Variants in WDR46 observed in about 807,000 individuals in gnomAD.
WDR46 encodes WD repeat-containing protein 46.
A neutral mutation model predicts 74.7 loss-of-function variants in WDR46; 58 were observed. That is an observed-to-expected ratio of 0.78 (90% confidence interval 0.63 to 0.97). WDR46 has a LOEUF of 0.97. Among genes scored for constraint, WDR46 ranks in the 50% least tolerant of loss-of-function variants. WDR46 has a pLI of 0.00. For missense variants in WDR46, 702 were observed against 790.1 expected, an observed-to-expected ratio of 0.89 and a Z score of 1.34; for synonymous variants, 278 against 297.3, an observed-to-expected ratio of 0.93 and a Z score of 0.67.
chr6:33,281,068 C>A, intron 10 of WDR46, 81 bp from the exon 11 acceptor site: 2 of 1,443,738 alleles, frequency 1.4e-6, no homozygotes, highest in Non-Finnish European at 1.9e-6. Flanking sequence ...GGCATCAAGT[C>A]TGGCTGGGGA....
intron 12 of WDR46, 32 bp downstream of exon 12, chr6:33,280,396 G>A (rs901450914): frequency 6.5e-7 from 1 of 1,548,230 alleles, no homozygotes; most frequent in Admixed American, 2.0e-5. Flanking sequence ...GCAATGGGGG[G>A]GATCTCACCC....
In WDR46 at chr6:33,280,976, G is replaced by A. The variant is rs1051862080; in HGVS notation, c.1127C>T (p.Thr376Ile). The A allele has an allele frequency of 1.2e-6, 2 of 1,607,206 alleles. No homozygotes were observed. Among genetic ancestry groups the A allele is most frequent in the African/African-American group, 1.3e-5 (1 of 74,890 alleles). The change falls in exon 11 of 15, where the codon ACC becomes ATC. Residue 376 changes from threonine to isoleucine, a missense_variant. Transcript: ENST00000374617. ...CTTCAGCTGGTGGTCTAGGCCAGAGGTGGCCATGTACCTGGTGAGAGAAGA... is the reference window on the plus strand; with the variant it reads ...CTTCAGCTGGTGGTCTAGGCCAGAGATGGCCATGTACCTGGTGAGAGAAGA... ...AVDSTGTYMA[T>I]SGLDHQLKIF...
rs1037387500 is a variant in WDR46, at chr6:33,280,987, C to G, written c.1116G>C (p.Thr372=). ...VRAVAVDSTG[T]YMATSGLDHQ... is the part of the protein sequence containing the mutation. ...GGTCTAGGCCAGAGGTGGCCATGTA[C>G]CTGGTGAGAGAAGAGGGATCAATTA... Residue 372 remains threonine, a splice_region_variant and synonymous_variant, in exon 11 of 15, where the codon ACG becomes ACC. Coordinates refer to ENST00000374617, the MANE Select transcript of WDR46 (RefSeq NM_005452.6). 5.0e-6 allele frequency: 8 copies of G among 1,598,312 alleles called. No homozygotes were observed. The highest frequency in any genetic ancestry group is 6.8e-6 in the Non-Finnish European group (8 of 1,170,568).
intron 10 of WDR46, among the ~76,000 whole-genome samples, chr6:33,282,509 G>A (rs1319259530): frequency 6.6e-6 from 1 of 152,188 alleles, no homozygotes; most frequent in Non-Finnish European, 1.5e-5. Context: ...GGAGTCTACT[G>A]TACTACTAGT....
At position 33,286,840 on chromosome 6, in the gene WDR46, C is replaced by T. The variant is rs928753704; in HGVS notation, c.1070G>A (p.Cys357Tyr). The change falls in exon 10 of 15, where the codon TGT (cysteine) becomes TAT (tyrosine). Residue 357 changes from cysteine to tyrosine, a missense_variant. Physicochemically the swap from Cys to Tyr is radical, Grantham distance 194. Coordinates refer to ENST00000374617, the MANE Select transcript of WDR46 (RefSeq NM_005452.6). Reference protein sequence around the residue: ...AMKEPLAKILCHRGGVRAVAV... With the variant: ...AMKEPLAKILYHRGGVRAVAV... ...CACAGCCCGGACCCCACCACGATGA[C>T]AGAGAATCTTTGCCAGTGGCTCCTT... is the stretch of plus-strand genomic sequence containing the variant. The T allele has an allele frequency of 6.2e-7, 1 of 1,614,090 alleles. No individual in the cohort carries two copies. The highest frequency in any genetic ancestry group is 1.1e-5 in the South Asian group (1 of 91,078).
At chr6:33,288,739 C>A in intron 2 of WDR46, 45 bp from the exon 3 acceptor site, 3 of 1,613,096 alleles carry the variant, frequency 1.9e-6, no homozygotes, top group Non-Finnish European at 2.5e-6. Flanking sequence ...TTGGATTGAC[C>A]CCAACCCTCT....
intron 10 of WDR46, chr6:33,284,233 G>A (rs1181749242): frequency 3.3e-5 from 5 of 149,612 alleles, no homozygotes; most frequent in African/African-American, 1.3e-4. Context: ...CTGGGTGACA[G>A]ATCAAGACTC....
rs757113260 is a variant in WDR46 at position 33,287,685 on chromosome 6, C to T, written c.657G>A (p.Val219=). The T allele has an allele frequency of 9.9e-6, 16 of 1,613,978 alleles. No homozygotes were observed. In the South Asian group the frequency reaches 1.8e-4, roughly 18 times the overall value. The change falls in exon 7 of 15, where the codon GTG becomes GTA. Residue 219 remains valine, a synonymous_variant. Coordinates refer to ENST00000374617, the MANE Select transcript of WDR46 (RefSeq NM_005452.6). ...HLAFGGRRGH[V]AALDWVTKKL... is the part of the protein sequence containing the mutation. Reference sequence around the variant, plus strand: ...TCTTTGTTACCCAATCAAGGGCAGCCACATGACCTCGGCGCCCTCCAAAAG... The same window carrying T: ...TCTTTGTTACCCAATCAAGGGCAGCTACATGACCTCGGCGCCCTCCAAAAG...
intron 10 of WDR46, among the ~76,000 whole-genome samples, chr6:33,283,098 T>C (rs1036426293): frequency 4.0e-5 from 6 of 151,820 alleles, no homozygotes; most frequent in Non-Finnish European, 8.8e-5. Flanking sequence ...AGTCCCAGCT[T>C]CTCAGGAGGC....
intron 12 of WDR46, 37 bp downstream of exon 12, chr6:33,280,391 G>C: frequency 6.5e-7 from 1 of 1,541,568 alleles, no homozygotes. Flanking sequence ...CTCCAGCAAT[G>C]GGGGGGATCT....
chr6:33,281,029 G>A, intron 10 of WDR46, 42 bp from the exon 11 acceptor site: 3 of 1,541,088 alleles, frequency 1.9e-6, no homozygotes, highest in South Asian at 2.5e-5. Flanking sequence ...CAGTAAATGG[G>A]TTTACCAAGC....
Position 33,287,979 on chromosome 6 carries a change from G to A in WDR46, c.609C>T (p.Tyr203=). The A allele has an allele frequency of 1.9e-6, 3 of 1,614,184 alleles. No individual in the cohort carries two copies. The highest frequency in any genetic ancestry group is 2.5e-6 in the Non-Finnish European group (3 of 1,180,040). The change falls in exon 6 of 15, where the codon TAC becomes TAT. Residue 203 remains tyrosine, a synonymous_variant. Transcript: ENST00000374617. ...LRQFGPYRLN[Y]SRTGRHLAFG... is the part of the protein sequence containing the mutation. ...TTCAACCTTACCTTCCAGTTCGAGA[G>A]TAGTTTAGTCTGTAGGGTCCAAACT... is the stretch of plus-strand genomic sequence containing the variant.
chr6:33,279,944 C>T, intron 12 of WDR46, 85 bp from the exon 13 acceptor site: 1 of 1,349,144 alleles, frequency 7.4e-7, no homozygotes. Flanking sequence ...GCTGCTGAAC[C>T]CCTCTACCCA....
chr6:33,285,181 A>G (rs1581678375), intron 10 of WDR46, among the ~76,000 whole-genome samples: 1 of 126,204 alleles, frequency 7.9e-6, no homozygotes, highest in East Asian at 2.1e-4. Context: ...GTAGATCTGT[A>G]TTACACAAAT....
chr6:33,287,779 G>T, intron 6 of WDR46, 61 bp from the exon 7 acceptor site: 1 of 1,592,666 alleles, frequency 6.3e-7, no homozygotes, highest in South Asian at 1.1e-5. Context: ...CAGACAACTT[G>T]AGGTCTGCCC....
chr6:33,284,873 C>T (rs985412871), intron 10 of WDR46: 3 of 153,440 alleles, frequency 2.0e-5, no homozygotes, highest in African/African-American at 7.2e-5. Context: ...TTTTGCTCTA[C>T]AACACACAGC....
chr6:33,287,063 CAG>C lies in WDR46; in HGVS notation c.1015+26_1015+27del, dbSNP rs754818056. The C allele has an allele frequency of 7.5e-6, 12 of 1,603,834 alleles. No homozygotes were observed. In the African/African-American group the frequency reaches 1.6e-4, roughly 22 times the overall value. On this transcript the variant is annotated intron_variant, in intron 9 of 14. Transcript: ENST00000374617. ...TAGAAGAAAAGCAAGTCAGGATGGT[CAG>C]AGTCAAAACTAAGCCAGGTACTGAC...
At position 33,289,181 on chromosome 6, in the gene WDR46, C is replaced by T. The variant is rs375184091; in HGVS notation, c.-11G>A. ...GGGGGCTGTCTCCATCTCGCCCACCCGAACGGCGATCCACGTGCAAAACTC... is the reference window on the plus strand; with the variant it reads ...GGGGGCTGTCTCCATCTCGCCCACCTGAACGGCGATCCACGTGCAAAACTC... On this transcript the variant is annotated 5_prime_UTR_variant, in exon 1 of 15. Coordinates refer to ENST00000374617, the MANE Select transcript of WDR46 (RefSeq NM_005452.6). 1.2e-6 allele frequency: 2 copies of T among 1,606,158 alleles called. No individual in the cohort carries two copies. The highest frequency in any genetic ancestry group is 8.5e-7 in the Non-Finnish European group (1 of 1,176,660).
In WDR46 at chr6:33,288,480, T is replaced by C. The variant is rs751256922; in HGVS notation, c.361-10A>G. On this transcript the variant is annotated splice_polypyrimidine_tract_variant and intron_variant, in intron 3 of 14. Coordinates refer to ENST00000374617, the MANE Select transcript of WDR46 (RefSeq NM_005452.6). ...CTTTAGAATGTGGTAGCTGTAACAT[T>C]GTTGGTGGGGAGGAGTGGCAGAAGA... 5.6e-6 allele frequency: 9 copies of C among 1,613,900 alleles called. No homozygotes were observed. Among genetic ancestry groups the C allele is most frequent in the Non-Finnish European group, 7.6e-6 (9 of 1,179,972 alleles).
Sources: gnomAD v4.1 joint callset for allele counts (sites outside exome capture counted in the v4.1 genomes callset) on GRCh38, gnomAD v4.1.1 for gene constraint, MANE v1.5 for transcripts, NCBI Gene and HGNC (gene_info 2026-07-23, HGNC 2026-07-21) for gene names.